STARD13: variants seen among roughly 807,000 people sequenced by gnomAD.
STARD13 encodes the protein stAR-related lipid transfer protein 13.
In STARD13, 62 loss-of-function variants were observed where a neutral mutation model predicts 106.4. The observed-to-expected ratio is 0.58, with a 90% CI of 0.48 to 0.72. The LOEUF (loss-of-function observed/expected upper bound fraction) is 0.72, where lower values mean the gene tolerates loss of function less well. Among genes scored for constraint, STARD13 ranks in the 30% least tolerant of loss-of-function variants. The probability of loss-of-function intolerance (pLI) is 0.00; values close to 1 mark genes in which losing one functional copy is unlikely to be tolerated. For synonymous variants in STARD13, 565 were observed against 553.0 expected (o/e 1.02, Z -0.31); for missense variants, 1,387 against 1,424.0 (o/e 0.97, Z 0.42).
chr13:33,595,402 A>C, the STARD13 span, among the ~76,000 whole-genome samples: 1 of 152,204 alleles, frequency 6.6e-6, no homozygotes, highest in Non-Finnish European at 1.5e-5. Flanking sequence ...GCATAATATG[A>C]TGTTTTTTAG....
chr13:33,400,120 C>T, the STARD13 span, among the ~76,000 whole-genome samples: 1 of 152,142 alleles, frequency 6.6e-6, no homozygotes, highest in Admixed American at 6.5e-5. Flanking sequence ...CTTTGACTAA[C>T]ACCTCCCTGA....
At chr13:33,337,124 A>C (rs1202538590) in intron 1 of STARD13, among the ~76,000 whole-genome samples, 1 of 152,202 alleles carries the variant, frequency 6.6e-6, no homozygotes, top group African/African-American at 2.4e-5. Flanking sequence ...AGTCAGCTTT[A>C]GTGTTTTTCC....
At chr13:33,210,781 C>T (rs1280711058) in intron 1 of STARD13, among the ~76,000 whole-genome samples, 2 of 152,154 alleles carry the variant, frequency 1.3e-5, no homozygotes, top group East Asian at 1.9e-4. Context: ...TTAGGTTAAG[C>T]GATCCTGCAG....
the STARD13 span, among the ~76,000 whole-genome samples, chr13:33,666,397 C>T: frequency 6.6e-6 from 1 of 152,050 alleles, no homozygotes; most frequent in African/African-American, 2.4e-5. Flanking sequence ...AGGTTCACGC[C>T]GTTCTCCTGC....
the STARD13 span, among the ~76,000 whole-genome samples, chr13:33,426,203 A>C: frequency 5.9e-5 from 9 of 152,322 alleles, no homozygotes; most frequent in South Asian, 2.1e-4. Context: ...GAATTTCAAG[A>C]ATGCATATAT....
intron 6 of STARD13, 26 bp from the exon 7 acceptor site, chr13:33,126,266 G>A (rs376565470): frequency 1.9e-6 from 3 of 1,610,884 alleles, no homozygotes; most frequent in Non-Finnish European, 2.5e-6. Context: ...ACCAGGTCAT[G>A]CAAGCCTCCT....
At chr13:33,635,011 GA>G in the STARD13 span, among the ~76,000 whole-genome samples, 1 of 152,232 alleles carries the variant, frequency 6.6e-6, no homozygotes, top group African/African-American at 2.4e-5. Flanking sequence ...TACCAAAGGG[GA>G]ACATTTGAGA....
At chr13:33,658,435 T>C in the STARD13 span, 1 of 152,254 alleles carries the variant, frequency 6.6e-6, no homozygotes, top group Non-Finnish European at 1.5e-5. Flanking sequence ...ATGTTTTTGT[T>C]GCTATAATAT....
intron 1 of STARD13, among the ~76,000 whole-genome samples, chr13:33,320,955 A>C (rs1893537922): frequency 6.6e-6 from 1 of 152,242 alleles, no homozygotes; most frequent in Non-Finnish European, 1.5e-5. Context: ...AAGGTTAGCC[A>C]TGAGTTCTGG....
At chr13:33,419,755 T>G in the STARD13 span, among the ~76,000 whole-genome samples, 1 of 152,152 alleles carries the variant, frequency 6.6e-6, no homozygotes, top group Non-Finnish European at 1.5e-5. Context: ...TAACAGCAGA[T>G]CTCTTGGCAG....
chr13:33,519,294 T>A, the STARD13 span, among the ~76,000 whole-genome samples: 8 of 115,708 alleles, frequency 6.9e-5, no homozygotes, highest in South Asian at 2.1e-3. Context: ...TTTCTTTCTT[T>A]CTCTCTCTCT....
At chr13:33,335,459 G>A (rs917886421) in intron 1 of STARD13, among the ~76,000 whole-genome samples, 5 of 152,294 alleles carry the variant, frequency 3.3e-5, no homozygotes, top group African/African-American at 1.2e-4. Flanking sequence ...GTGCTAGACT[G>A]TGATTAGGGT....
At chr13:33,266,868 A>C (rs1334967511) in intron 1 of STARD13, among the ~76,000 whole-genome samples, 2 of 152,226 alleles carry the variant, frequency 1.3e-5, no homozygotes, top group African/African-American at 4.8e-5. Flanking sequence ...CATCATACAC[A>C]ATCCCAGAAA....
At chr13:33,243,607 G>T (rs980065036) in intron 1 of STARD13, among the ~76,000 whole-genome samples, 4 of 152,186 alleles carry the variant, frequency 2.6e-5, no homozygotes, top group African/African-American at 9.7e-5. Context: ...AAAGGACAGA[G>T]AATCCGTGTG....
chr13:33,660,281 G>T, the STARD13 span, among the ~76,000 whole-genome samples: 4 of 152,154 alleles, frequency 2.6e-5, no homozygotes, highest in Non-Finnish European at 5.9e-5. Flanking sequence ...TATTATCTGT[G>T]TTAGTTGTCA....
chr13:33,526,257 G>A, the STARD13 span, among the ~76,000 whole-genome samples: 1 of 151,724 alleles, frequency 6.6e-6, no homozygotes, highest in African/African-American at 2.4e-5. Context: ...ATTGAATTTT[G>A]TTAGCTGGTG....
Position 33,105,629 on chromosome 13 carries a change from C to A in STARD13, c.3306G>T (p.Gln1102His). Residue 1102 changes from glutamine (Q) to histidine (H), a missense_variant, in exon 14 of 14, where the codon CAG becomes CAT. Gln to His is a conservative substitution (Grantham distance 24). Coordinates refer to ENST00000336934, the MANE Select transcript of STARD13 (RefSeq NM_178006.4). Reference sequence around the variant, plus strand: ...TTTCTGGGCCCTCAGCAATGAGGGGCTGGAAAGAGTTTCTAATCCTGGCAA... The same window carrying A: ...TTTCTGGGCCCTCAGCAATGAGGGGATGGAAAGAGTTTCTAATCCTGGCAA... ...AEVARIRNSF[Q>H]PLIAEGPETK... The A allele has an allele frequency of 6.2e-7, 1 of 1,614,036 alleles. No homozygotes were observed.
rs1416293264 is a variant in STARD13, at chr13:33,246,395, G to A, written c.169+39075C>T. On this transcript the variant is annotated intron_variant, in intron 1 of 13. Coordinates refer to ENST00000336934, the MANE Select transcript of STARD13 (RefSeq NM_178006.4). Reference sequence around the variant, plus strand: ...ACACACACATCTCTAGTCCACCTGAGCTTCTCAGGGCTGTATCTTTGTCTA... The same window carrying A: ...ACACACACATCTCTAGTCCACCTGAACTTCTCAGGGCTGTATCTTTGTCTA... Among the ~76,000 whole-genome samples the A allele has an allele frequency of 3.3e-5, 5 of 152,120 alleles. No homozygotes were observed. The East Asian group carries it at 9.6e-4, about 29-fold the overall frequency.
the STARD13 span, among the ~76,000 whole-genome samples, chr13:33,431,667 G>A: frequency 2.2e-4 from 33 of 152,208 alleles, no homozygotes; most frequent in Admixed American, 1.6e-3. Flanking sequence ...GTTAATAGAC[G>A]TGCAAAATTT....
Sources: gnomAD v4.1 joint callset for allele counts (sites outside exome capture counted in the v4.1 genomes callset) on GRCh38, gnomAD v4.1.1 for gene constraint, MANE v1.5 for transcripts, NCBI Gene and HGNC (gene_info 2026-07-23, HGNC 2026-07-21) for gene names.